The following ASTN1 variants were observed in gnomAD, a reference collection of about 807,000 sequenced individuals.
ASTN1 encodes astrotactin 1, also known as astrotactin-1.
A neutral mutation model predicts 140.7 loss-of-function variants in ASTN1; 41 were observed. That is an observed-to-expected ratio of 0.29 (90% confidence interval 0.23 to 0.38). The LOEUF (loss-of-function observed/expected upper bound fraction) is 0.38, where lower values mean the gene tolerates loss of function less well. Ranked by LOEUF, ASTN1 falls within the 10% of genes least tolerant of loss-of-function variation. ASTN1 has a pLI of 1.00. For synonymous variants in ASTN1, 640 were observed against 652.2 expected, an observed-to-expected ratio of 0.98 and a Z score of 0.29; for missense variants, 1,479 against 1,678.8, an observed-to-expected ratio of 0.88 and a Z score of 2.08.
chr1:176,944,693 C>A (rs920781460), intron 13 of ASTN1, among the ~76,000 whole-genome samples: 2 of 152,160 alleles, frequency 1.3e-5, no homozygotes, highest in Non-Finnish European at 2.9e-5. Context: ...AATAAACCAG[C>A]TGAAAAGATC....
At chr1:177,041,243 C>A (rs1676955778) in intron 2 of ASTN1, among the ~76,000 whole-genome samples, 1 of 152,182 alleles carries the variant, frequency 6.6e-6, no homozygotes, top group African/African-American at 2.4e-5. Context: ...TCCTTCATCC[C>A]TCTGGATGTA....
At chr1:177,108,607 T>C (rs1022252860) in intron 1 of ASTN1, among the ~76,000 whole-genome samples, 10 of 152,188 alleles carry the variant, frequency 6.6e-5, no homozygotes, top group African/African-American at 2.2e-4. Context: ...TTATTTTCTT[T>C]ATCCATTCAT....
At chr1:176,976,993 A>G (rs969020577) in intron 8 of ASTN1, 1 of 152,272 alleles carries the variant, frequency 6.6e-6, no homozygotes, top group Admixed American at 6.5e-5. Context: ...CTCCTCCTCC[A>G]CCACAGACGC....
chr1:177,105,737 G>T (rs569156780), intron 1 of ASTN1, among the ~76,000 whole-genome samples: 1 of 151,820 alleles, frequency 6.6e-6, no homozygotes, highest in Admixed American at 6.6e-5. Context: ...GTATATTCTC[G>T]CTTTGTTCTC....
intron 8 of ASTN1, among the ~76,000 whole-genome samples, chr1:176,965,768 C>T (rs1410215866): frequency 6.6e-6 from 1 of 152,186 alleles, no homozygotes; most frequent in Non-Finnish European, 1.5e-5. Flanking sequence ...AGGCCAAAGA[C>T]TGCAGCTCAT....
intron 1 of ASTN1, among the ~76,000 whole-genome samples, chr1:177,141,336 G>A (rs1234474964): frequency 6.6e-6 from 1 of 152,108 alleles, no homozygotes; most frequent in Non-Finnish European, 1.5e-5. Context: ...AATGATGGGG[G>A]CTTGGGGAAC....
intron 1 of ASTN1, among the ~76,000 whole-genome samples, chr1:177,143,802 T>C (rs1052901118): frequency 6.6e-6 from 1 of 152,172 alleles, no homozygotes; most frequent in Non-Finnish European, 1.5e-5. Context: ...TTTAAAACGA[T>C]ACCTCAAGTA....
At chr1:177,092,643 T>C (rs1679814487) in intron 1 of ASTN1, among the ~76,000 whole-genome samples, 1 of 152,194 alleles carries the variant, frequency 6.6e-6, no homozygotes, top group East Asian at 1.9e-4. Flanking sequence ...CACTTACATT[T>C]AGGTGTTTGA....
intron 1 of ASTN1, among the ~76,000 whole-genome samples, chr1:177,152,442 T>TA (rs1683080083): frequency 6.7e-6 from 1 of 148,638 alleles, no homozygotes; most frequent in Admixed American, 6.7e-5. Flanking sequence ...AATAAATAAA[T>TA]AAAAAAGGAA....
chr1:176,885,624 G>T (rs1439457925), intron 18 of ASTN1, among the ~76,000 whole-genome samples: 1 of 152,050 alleles, frequency 6.6e-6, no homozygotes, highest in African/African-American at 2.4e-5. Flanking sequence ...ACAGGTGCCT[G>T]TCGGTCGTCT....
chr1:177,040,369 G>A (rs764777889), intron 2 of ASTN1, among the ~76,000 whole-genome samples: 39 of 152,274 alleles, frequency 2.6e-4, no homozygotes, highest in Admixed American at 5.9e-4. Flanking sequence ...GGCCCAGCCC[G>A]CGCTGCCTTG....
At chr1:177,014,913 A>G in intron 7 of ASTN1, 38 bp from the exon 8 acceptor site, 1 of 1,547,098 alleles carries the variant, frequency 6.5e-7, no homozygotes, top group Non-Finnish European at 8.9e-7. Context: ...GAGAAACATG[A>G]AGGAATTGAT....
At chr1:177,046,196 C>T (rs1558056031) in intron 2 of ASTN1, among the ~76,000 whole-genome samples, 1 of 152,144 alleles carries the variant, frequency 6.6e-6, no homozygotes, top group African/African-American at 2.4e-5. Flanking sequence ...GCTCAGTGTT[C>T]CCCTGGCACC....
At position 176,957,845 on chromosome 1, in the gene ASTN1, T is replaced by C; in HGVS notation, c.1737-17A>G. On this transcript the variant is annotated splice_polypyrimidine_tract_variant and intron_variant, in intron 10 of 22. Coordinates refer to ENST00000361833, the MANE Select transcript of ASTN1 (RefSeq NM_004319.3). Reference sequence around the variant, plus strand: ...AGCTCCTCTCTGTGGGGAGAAAGAGTGGGAAGCAGGGAGGAGTCAAGGAGA... The same window carrying C: ...AGCTCCTCTCTGTGGGGAGAAAGAGCGGGAAGCAGGGAGGAGTCAAGGAGA... The C allele has an allele frequency of 6.2e-7, 1 of 1,611,666 alleles. No homozygotes were observed. Among genetic ancestry groups the C allele is most frequent in the Non-Finnish European group, 8.5e-7 (1 of 1,178,946 alleles).
chr1:177,071,136 C>T (rs989682098), intron 1 of ASTN1, among the ~76,000 whole-genome samples: 3 of 152,184 alleles, frequency 2.0e-5, no homozygotes, highest in Non-Finnish European at 4.4e-5. Flanking sequence ...TCTGTAAGTA[C>T]TCATTAGCAA....
rs902587737 is a variant in ASTN1 at position 177,057,666 on chromosome 1, A to G, written c.471+3412T>C. Among the ~76,000 whole-genome samples, 19 of 152,176 alleles carry G rather than the reference A, an allele frequency of 1.2e-4. 1 individual carries two copies. The highest frequency in any genetic ancestry group is 3.3e-4 in the Admixed American group (5 of 15,274). On this transcript the variant is annotated intron_variant, in intron 2 of 22. Coordinates refer to ENST00000361833, the MANE Select transcript of ASTN1 (RefSeq NM_004319.3). ...TCGCTTTATCTTTTCTCTTTTTCCAATTATGCTATTTTGATCTAATTTGAA... is the reference window on the plus strand; with the variant it reads ...TCGCTTTATCTTTTCTCTTTTTCCAGTTATGCTATTTTGATCTAATTTGAA...
chr1:177,134,433 G>T (rs997440811), intron 1 of ASTN1, among the ~76,000 whole-genome samples: 1 of 152,172 alleles, frequency 6.6e-6, no homozygotes, highest in Non-Finnish European at 1.5e-5. Context: ...AATCTCACTG[G>T]AGTGGAGAAT....
intron 1 of ASTN1, among the ~76,000 whole-genome samples, chr1:177,119,251 C>G (rs1681257690): frequency 6.6e-6 from 1 of 152,192 alleles, no homozygotes; most frequent in South Asian, 2.1e-4. Flanking sequence ...TCTTCATTAC[C>G]TGTACAGTGC....
chr1:176,953,815 T>C (rs2103123519), intron 11 of ASTN1, among the ~76,000 whole-genome samples: 1 of 152,318 alleles, frequency 6.6e-6, no homozygotes, highest in South Asian at 2.1e-4. Flanking sequence ...GGGCACCCGA[T>C]TTCTCCCCTT....
Sources: gnomAD v4.1 joint callset for allele counts (sites outside exome capture counted in the v4.1 genomes callset) on GRCh38, gnomAD v4.1.1 for gene constraint, MANE v1.5 for transcripts, NCBI Gene and HGNC (gene_info 2026-07-23, HGNC 2026-07-21) for gene names.